TDRD10: variants seen among roughly 807,000 people sequenced by gnomAD.
The protein encoded by TDRD10 is tudor domain-containing protein 10.
Under a neutral mutation model 48.0 loss-of-function variants are expected in TDRD10, and 40 were observed. The ratio of observed to expected loss-of-function variants is 0.83; its 90% confidence interval spans 0.65 to 1.09. TDRD10 has a LOEUF of 1.09. TDRD10 is among the 50% of genes least tolerant of loss of function. The pLI is 0.00. For missense variants in TDRD10, 378 were observed against 434.7 expected (o/e 0.87, Z 1.16); for synonymous variants, 162 against 170.4 (o/e 0.95, Z 0.38).
intron 4 of TDRD10, among the ~76,000 whole-genome samples, chr1:154,512,331 T>TTTG (rs757565269): frequency 5.3e-5 from 8 of 152,118 alleles, no homozygotes; most frequent in South Asian, 4.2e-4. Context: ...TTGTTCCTTT[T>TTTG]TTGTTGTTGT....
At chr1:154,513,607 A>G (rs1570906590) in intron 4 of TDRD10, among the ~76,000 whole-genome samples, 1 of 152,344 alleles carries the variant, frequency 6.6e-6, no homozygotes. Context: ...CTCACTAAAA[A>G]TGAGATAACC....
At position 154,542,740 on chromosome 1, in the gene TDRD10, A is replaced by C. The variant is rs778790556; in HGVS notation, c.422A>C (p.Gln141Pro). The change falls in exon 8 of 13, where the codon CAG becomes CCG. Residue 141 changes from glutamine (Q) to proline (P), a missense_variant. Transcript: ENST00000368482. ...GTCTTCTGCTTTCTAGCTATTATAC[A>C]GCTCGCTCCTAAAGCTCCTGTTGAC... is the stretch of plus-strand genomic sequence containing the variant. ...EGFGKTAAII[Q>P]LAPKAPVDLC... The C allele has an allele frequency of 1.2e-6, 2 of 1,613,590 alleles. No individual in the cohort carries two copies. The highest frequency in any genetic ancestry group is 4.5e-5 in the East Asian group (2 of 44,876).
chr1:154,503,632 A>T (rs1476504596), intron 1 of TDRD10, among the ~76,000 whole-genome samples: 1 of 148,888 alleles, frequency 6.7e-6, no homozygotes, highest in Non-Finnish European at 1.5e-5. Flanking sequence ...TTTCTGGTTT[A>T]AAAAAAGAAA....
intron 6 of TDRD10, chr1:154,534,414 T>C (rs1694810229): frequency 6.6e-6 from 1 of 152,238 alleles, no homozygotes; most frequent in Non-Finnish European, 1.5e-5. Flanking sequence ...AAAGCCAGGC[T>C]GCAACTTTCC....
chr1:154,511,225 C>T (rs932226155), intron 4 of TDRD10, among the ~76,000 whole-genome samples: 1 of 151,856 alleles, frequency 6.6e-6, no homozygotes, highest in African/African-American at 2.4e-5. Flanking sequence ...CCACCTCAGC[C>T]TCCTATGTAG....
intron 6 of TDRD10, among the ~76,000 whole-genome samples, chr1:154,527,346 A>C (rs1463754633): frequency 4.6e-5 from 7 of 152,254 alleles, no homozygotes; most frequent in Middle Eastern, 3.2e-3. Context: ...TCATTCGTAC[A>C]CAGAAACTAT....
intron 6 of TDRD10, among the ~76,000 whole-genome samples, chr1:154,531,931 C>G (rs1694650271): frequency 6.6e-6 from 1 of 152,194 alleles, no homozygotes; most frequent in African/African-American, 2.4e-5. Flanking sequence ...AAACCCTGAG[C>G]TAGACACAGA....
chr1:154,520,068 G>C (rs1019381924), intron 4 of TDRD10, among the ~76,000 whole-genome samples: 11 of 152,172 alleles, frequency 7.2e-5, no homozygotes, highest in African/African-American at 2.7e-4. Flanking sequence ...GTGATGAAAC[G>C]GTGTGTTTAG....
intron 6 of TDRD10, among the ~76,000 whole-genome samples, chr1:154,531,134 C>G (rs941252217): frequency 6.6e-6 from 1 of 152,168 alleles, no homozygotes; most frequent in African/African-American, 2.4e-5. Context: ...AGCCACCACG[C>G]CTGGCCTAAA....
At chr1:154,528,595 C>CT (rs1365522671) in intron 6 of TDRD10, among the ~76,000 whole-genome samples, 1 of 152,032 alleles carries the variant, frequency 6.6e-6, no homozygotes, top group African/African-American at 2.4e-5. Flanking sequence ...AATCCCAGCA[C>CT]TTTGGGAGGC....
chr1:154,513,015 A>G (rs1048755111), intron 4 of TDRD10, among the ~76,000 whole-genome samples: 4 of 152,190 alleles, frequency 2.6e-5, no homozygotes, highest in Non-Finnish European at 5.9e-5. Flanking sequence ...GGGAATGGCC[A>G]TGAATTGAGA....
chr1:154,524,042 C>T (rs1220833844), intron 6 of TDRD10, among the ~76,000 whole-genome samples: 2 of 152,134 alleles, frequency 1.3e-5, no homozygotes, highest in African/African-American at 4.8e-5. Context: ...TTAAGATTAA[C>T]ATTTTTATAA....
chr1:154,544,313 C>T (rs759680317), intron 9 of TDRD10, 59 bp from the exon 10 acceptor site: 35 of 1,549,824 alleles, frequency 2.3e-5, no homozygotes, highest in Non-Finnish European at 2.7e-5. Flanking sequence ...GTGACGTCTA[C>T]GGAGGCAGAT....
At chr1:154,547,592 A>T (rs1557841947) in intron 12 of TDRD10, 86 bp from the exon 13 acceptor site, 1 of 1,614,146 alleles carries the variant, frequency 6.2e-7, no homozygotes, top group Non-Finnish European at 8.5e-7. Context: ...ATTCTTTTAG[A>T]TCAAACGAAC....
At chr1:154,507,582 A>G (rs891785310) in intron 3 of TDRD10, among the ~76,000 whole-genome samples, 3 of 151,732 alleles carry the variant, frequency 2.0e-5, no homozygotes, top group South Asian at 2.1e-4. Flanking sequence ...CCTTCTTCCA[A>G]TTTTCCCTCT....
At chr1:154,503,806 TGAA>T (rs894792831) in intron 1 of TDRD10, among the ~76,000 whole-genome samples, 15 of 152,180 alleles carry the variant, frequency 9.9e-5, no homozygotes, top group Admixed American at 5.2e-4. Context: ...AAAGCTAAAA[TGAA>T]GAAATGCGTG....
rs151021335 is a variant in TDRD10, at chr1:154,537,441, A to G, written c.370-4583A>G. Among the ~76,000 whole-genome samples, 155 of 152,384 alleles carry G rather than the reference A, an allele frequency of 1.0e-3. 1 individual carries two copies. The East Asian group carries it at 0.014, about 14-fold the overall frequency. On this transcript the variant is annotated intron_variant, in intron 6 of 12. Transcript: ENST00000368482. Reference sequence around the variant, plus strand: ...AGCACATAGAAGTGCAAGTGATTAAAGAATGAGAAGGAAGCAGTTGAGGTT... The same window carrying G: ...AGCACATAGAAGTGCAAGTGATTAAGGAATGAGAAGGAAGCAGTTGAGGTT...
At chr1:154,523,434 A>G (rs1229222079) in intron 6 of TDRD10, among the ~76,000 whole-genome samples, 5 of 152,212 alleles carry the variant, frequency 3.3e-5, no homozygotes. Context: ...CCCTAGCCCC[A>G]GCGATTCTGA....
At chr1:154,533,913 T>G (rs1694787414) in intron 6 of TDRD10, among the ~76,000 whole-genome samples, 1 of 151,286 alleles carries the variant, frequency 6.6e-6, no homozygotes. Flanking sequence ...AATTTTCTAT[T>G]GTTTGTAGAG....
Sources: allele counts gnomAD v4.1 joint callset (sites outside exome capture counted in the v4.1 genomes callset), GRCh38; gene constraint gnomAD v4.1.1; transcripts MANE v1.5; gene names NCBI Gene and HGNC (gene_info 2026-07-23, HGNC 2026-07-21).